The following RUFY2 variants were observed in gnomAD, a reference collection of about 807,000 sequenced individuals.
The protein encoded by RUFY2 is RUN and FYVE domain-containing protein 2.
In RUFY2, 49 loss-of-function variants were observed where a neutral mutation model predicts 94.4. The ratio of observed to expected loss-of-function variants is 0.52; its 90% CI spans 0.41 to 0.66. The LOEUF is 0.66. Among genes scored for constraint, RUFY2 ranks in the 30% least tolerant of loss-of-function variants. The pLI is 0.00. For synonymous variants in RUFY2, 255 were observed against 235.7 expected, an observed-to-expected ratio of 1.08 and a Z score of -0.75; for missense variants, 541 against 692.8, an observed-to-expected ratio of 0.78 and a Z score of 2.46.
intron 1 of RUFY2, chr10:68,405,310 T>TCA (rs1554898481): frequency 1.6e-4 from 10 of 60,670 alleles, no homozygotes; most frequent in Non-Finnish European, 1.7e-4. Flanking sequence ...AATCTCCGTC[T>TCA]CACAAAAAAA....
At chr10:68,357,049 C>T (rs2047104727) in intron 15 of RUFY2, among the ~76,000 whole-genome samples, 1 of 151,604 alleles carries the variant, frequency 6.6e-6, no homozygotes, top group Non-Finnish European at 1.5e-5. Context: ...CGCCTGTGAT[C>T]CCAGCTACTC....
At position 68,407,199 on chromosome 10, in the gene RUFY2, G is replaced by A; in HGVS notation, c.-10C>T. The A allele has an allele frequency of 2.1e-6, 3 of 1,417,446 alleles. No individual in the cohort carries two copies. The highest frequency in any genetic ancestry group is 2.7e-6 in the Non-Finnish European group (3 of 1,098,778). The allele number at this position is 1,417,446 out of a possible 1,614,324, so 87.8% of individuals were successfully genotyped here. On this transcript the variant is annotated 5_prime_UTR_variant, in exon 1 of 18. Coordinates refer to ENST00000602465, the MANE Select transcript of RUFY2 (RefSeq NM_001330103.2). ...CGCTCGCCTTACCCATGGCGGCGGC[G>A]GCTGCGCGGTCTCGGGCGGAGGCTC... is the stretch of plus-strand genomic sequence containing the variant.
downstream of RUFY2, chr10:68,342,164 G>A: frequency 1.4e-6 from 1 of 696,102 alleles, no homozygotes; most frequent in East Asian, 3.0e-5. Flanking sequence ...CTGAAGGAAT[G>A]TGTTTTCAAA....
At chr10:68,393,043 A>C (rs2050124560) in intron 7 of RUFY2, 95 bp downstream of exon 7, 1 of 522,142 alleles carries the variant, frequency 1.9e-6, no homozygotes, top group South Asian at 4.3e-5. Context: ...CCCTTCTCAA[A>C]GACTCTTAGA....
In RUFY2 at chr10:68,363,829, G is replaced by A. The variant is rs917627232; in HGVS notation, c.1456-145C>T. ...TGTCCAAAGCTCTTTCCTAGCTGCT[G>A]TATCAACTATTTTCCATTTACTTAA... On this transcript the variant is annotated intron_variant, in intron 14 of 17. Coordinates refer to ENST00000602465, the MANE Select transcript of RUFY2 (RefSeq NM_001330103.2). 4.8e-5 allele frequency: 39 copies of A among 819,798 alleles called. No individual in the cohort carries two copies. In the South Asian group the frequency reaches 7.0e-4, roughly 15 times the overall value. 50.8% of individuals were successfully genotyped at this position (819,798 alleles called of 1,614,324 possible).
At chr10:68,377,925 G>T (rs1397785825) in intron 12 of RUFY2, 18 of 985,242 alleles carry the variant, frequency 1.8e-5, no homozygotes, top group Non-Finnish European at 2.2e-5. Flanking sequence ...TGCTTCCAAG[G>T]AAGGGAGAGT....
intron 15 of RUFY2, among the ~76,000 whole-genome samples, chr10:68,360,617 G>A (rs1442242878): frequency 6.6e-6 from 1 of 151,860 alleles, no homozygotes; most frequent in East Asian, 1.9e-4. Context: ...GCATGGTGGC[G>A]GGCACCTGTA....
In RUFY2 at chr10:68,384,618, A is replaced by G. The variant is rs1164369458; in HGVS notation, c.721-466T>C. ...TTGTGGTAACTGAGTTGGACACCCCATGAAGTCTAGACATGTAACAGGAAC... is the reference window on the plus strand; with the variant it reads ...TTGTGGTAACTGAGTTGGACACCCCGTGAAGTCTAGACATGTAACAGGAAC... On this transcript the variant is annotated intron_variant, in intron 8 of 17. Transcript: ENST00000602465. Among the ~76,000 whole-genome samples the G allele has an allele frequency of 3.9e-5, 6 of 152,340 alleles. No individual in the cohort carries two copies. In the East Asian group the frequency reaches 9.6e-4, roughly 24 times the overall value.
intron 7 of RUFY2, among the ~76,000 whole-genome samples, chr10:68,390,344 A>T (rs2049881670): frequency 6.6e-6 from 1 of 152,216 alleles, no homozygotes; most frequent in African/African-American, 2.4e-5. Context: ...CTCAGAAAAT[A>T]TAGAAAAGTA....
Position 68,384,102 on chromosome 10 carries a change from T to C in RUFY2, c.771A>G (p.Gln257=), listed in dbSNP as rs375877854. The C allele has an allele frequency of 3.1e-5, 50 of 1,612,770 alleles. No homozygotes were observed. In the African/African-American group the frequency reaches 6.0e-4, roughly 19 times the overall value. The change falls in exon 9 of 18, where the codon CAA becomes CAG. Residue 257 remains glutamine, a synonymous_variant. Coordinates refer to ENST00000602465, the MANE Select transcript of RUFY2 (RefSeq NM_001330103.2). The stretch of plus-strand genomic sequence containing the variant: ...AAATCAATTTATTTTCACTTCGTAA[T>C]TGATGATTTTCTTCCTGGAGTTTAA... ...NIIKLQEENH[Q]LRSENKLILM...
At chr10:68,360,154 G>A (rs1186941427) in intron 15 of RUFY2, among the ~76,000 whole-genome samples, 1 of 152,046 alleles carries the variant, frequency 6.6e-6, no homozygotes, top group African/African-American at 2.4e-5. Context: ...AATTCTTCAG[G>A]CCAGGTGTGG....
At chr10:68,379,583 G>T in intron 11 of RUFY2, 62 bp from the exon 12 acceptor site, 2 of 1,202,054 alleles carry the variant, frequency 1.7e-6, no homozygotes, top group African/African-American at 1.5e-5. Flanking sequence ...GTGTGTGTGT[G>T]TGTGTGCGTG....
chr10:68,378,259 A>C, intron 12 of RUFY2: 1 of 1,070,038 alleles, frequency 9.3e-7, no homozygotes, highest in Non-Finnish European at 1.1e-6. Context: ...ATTTTTAAAC[A>C]ATCTTTATAT....
In RUFY2 at chr10:68,345,134, C is replaced by T. The variant is rs760732393; in HGVS notation, c.*634G>A. On this transcript the variant is annotated 3_prime_UTR_variant, in exon 18 of 18. Transcript: ENST00000602465. The stretch of plus-strand genomic sequence containing the variant: ...AGATTAAAAGGAAAAAAGTAGAGGC[C>T]GAGGCCAAATAATGCCCCCTTTAAT... The T allele has an allele frequency of 2.7e-4, 42 of 152,756 alleles. No individual in the cohort carries two copies. The highest frequency in any genetic ancestry group is 4.7e-4 in the Non-Finnish European group (32 of 68,532). The allele number at this position is 152,756 out of a possible 1,614,324, so 9.5% of individuals were successfully genotyped here.
At chr10:68,391,082 A>G (rs1353682036) in intron 7 of RUFY2, among the ~76,000 whole-genome samples, 1 of 151,306 alleles carries the variant, frequency 6.6e-6, no homozygotes, top group Non-Finnish European at 1.5e-5. Flanking sequence ...CTACAGGCAC[A>G]TGCCACCATG....
rs563865774 is a variant in RUFY2, at chr10:68,343,778, A to T, written c.*1990T>A. On this transcript the variant is annotated 3_prime_UTR_variant, in exon 18 of 18. Coordinates refer to ENST00000602465, the MANE Select transcript of RUFY2 (RefSeq NM_001330103.2). ...TAGTTTTTAAATAAGCCAAAACTAC[A>T]TGGAGCAAGTTGCTGTCATAAAAGC... The T allele has an allele frequency of 1.3e-5, 2 of 150,560 alleles. No individual in the cohort carries two copies. The highest frequency in any genetic ancestry group is 3.9e-4 in the East Asian group (2 of 5,128). 9.3% of individuals were successfully genotyped at this position (150,560 alleles called of 1,614,324 possible). A position where few individuals can be genotyped will look rare whatever the true frequency, so the allele number is the denominator to read the frequency against.
Position 68,400,158 on chromosome 10 carries a change from G to A in RUFY2, c.296+1462C>T, listed in dbSNP as rs1011828789. On this transcript the variant is annotated intron_variant, in intron 3 of 17. Transcript: ENST00000602465. ...AAACCCCCATCTCTACTAAAAATAC[G>A]AAAATTAGCCAGGTATGGATGGTGG... Among the ~76,000 whole-genome samples, 10 of 151,344 alleles carry A rather than the reference G, an allele frequency of 6.6e-5. 1 individual carries two copies. In the East Asian group the frequency reaches 1.6e-3, roughly 24 times the overall value.
At chr10:68,368,330 C>A (rs948673021) in intron 13 of RUFY2, among the ~76,000 whole-genome samples, 1 of 144,034 alleles carries the variant, frequency 6.9e-6, no homozygotes, top group South Asian at 2.1e-4. Flanking sequence ...CATATTAATT[C>A]CTCAAATTTC....
chr10:68,369,836 C>T (rs1208948623), intron 13 of RUFY2, among the ~76,000 whole-genome samples: 3 of 152,180 alleles, frequency 2.0e-5, no homozygotes, highest in Admixed American at 6.5e-5. Flanking sequence ...GTGATGTCTT[C>T]TGCCATGTTA....
Sources: allele counts gnomAD v4.1 joint callset (sites outside exome capture counted in the v4.1 genomes callset), GRCh38; gene constraint gnomAD v4.1.1; transcripts MANE v1.5; gene names NCBI Gene and HGNC (gene_info 2026-07-23, HGNC 2026-07-21).